IQSEC3: variants seen among roughly 807,000 people sequenced by gnomAD.
IQSEC3 encodes IQ motif and SEC7 domain-containing protein 3.
IQSEC3 carries 50 observed loss-of-function variants against 105.4 expected under a neutral mutation model. That is an observed-to-expected ratio of 0.47 (90% CI 0.38 to 0.60). The LOEUF is 0.60. Among genes scored for constraint, IQSEC3 ranks in the 20% least tolerant of loss-of-function variants. The pLI, the probability that IQSEC3 is intolerant of heterozygous loss-of-function variation, is 0.00. For synonymous variants in IQSEC3, 708 were observed against 746.0 expected (o/e 0.95, Z 0.83); for missense variants, 1,415 against 1,630.0 (o/e 0.87, Z 2.27).
At chr12:112,771 G>A (rs532447545) in intron 2 of IQSEC3, among the ~76,000 whole-genome samples, 8 of 152,220 alleles carry the variant, frequency 5.3e-5, no homozygotes, top group South Asian at 4.1e-4. Context: ...AAAACAAATG[G>A]CAGGTGGTGG....
In IQSEC3 at chr12:165,793, T is replaced by C. The variant is rs552605706; in HGVS notation, c.2874T>C (p.His958=). The C allele has an allele frequency of 1.9e-6, 3 of 1,614,044 alleles. No individual in the cohort carries two copies. Among genetic ancestry groups the C allele is most frequent in the Admixed American group, 3.3e-5 (2 of 60,032 alleles). The part of the protein sequence containing the change: ...LSGSEKKQVL[H]FCALGSDEMQ... ...GCTCCGAGAAGAAGCAGGTGCTGCA[T>C]TTCTGTGCCCTGGGCTCGGACGAGA... The change falls in exon 11 of 14, where the codon CAT becomes CAC. Residue 958 remains histidine (H), a synonymous_variant. Transcript: ENST00000538872.
At chr12:151,413 G>A (rs568478824) in intron 5 of IQSEC3, among the ~76,000 whole-genome samples, 43 of 152,250 alleles carry the variant, frequency 2.8e-4, no homozygotes, top group African/African-American at 1.0e-3. Flanking sequence ...AGTCCCATCT[G>A]TTCTTCCTCT....
At position 125,929 on chromosome 12, in the gene IQSEC3, A is replaced by AGG. The variant is rs201180944; in HGVS notation, c.903+22_903+23dup. On this transcript the variant is annotated intron_variant, in intron 3 of 13. Transcript: ENST00000538872. ...AATAAACAGGTACCCAGGGCCTCCT[A>AGG]GGGGGGCGGGGAGGGTGGTGAAGGG... The AGG allele has an allele frequency of 8.5e-6, 13 of 1,527,986 alleles. No individual in the cohort carries two copies. The highest frequency in any genetic ancestry group is 2.4e-5 in the South Asian group (2 of 83,678). The allele number at this position is 1,527,986 out of a possible 1,614,324, so 94.7% of individuals were successfully genotyped here.
rs758055372 is a variant in IQSEC3 at position 174,897 on chromosome 12, G to T, written c.3413G>T (p.Gly1138Val). The change falls in exon 14 of 14, where the codon GGC becomes GTC. Residue 1138 changes from glycine (G) to valine (V), a missense_variant. Physicochemically the swap from Gly to Val is moderately radical, Grantham distance 109. This residue lies in a region of IQSEC3 where 419 missense variants were observed against 436.2 expected (regional missense o/e 0.96). Transcript: ENST00000538872. The stretch of plus-strand genomic sequence containing the variant: ...GGCTCCACACCCCTGGGCGGTCCCG[G>T]CTCTCCGGTCAAGGTCACCCACCAG... Reference protein sequence around the residue: ...SCGSTPLGGPGSPVKVTHQPP... With the variant: ...SCGSTPLGGPVSPVKVTHQPP... 1.3e-6 allele frequency: 2 copies of T among 1,561,380 alleles called. No individual in the cohort carries two copies. Among genetic ancestry groups the T allele is most frequent in the South Asian group, 2.3e-5 (2 of 85,764 alleles).
chr12:85,630 G>A (rs1400477962), intron 1 of IQSEC3, among the ~76,000 whole-genome samples: 1 of 152,188 alleles, frequency 6.6e-6, no homozygotes, highest in African/African-American at 2.4e-5. Flanking sequence ...GTGGCGGGGT[G>A]AGCATGGCCG....
At chr12:82,965 A>G (rs1437353756) in intron 1 of IQSEC3, among the ~76,000 whole-genome samples, 1 of 152,224 alleles carries the variant, frequency 6.6e-6, no homozygotes, top group Non-Finnish European at 1.5e-5. Flanking sequence ...ACAGCCACAA[A>G]TGCTTGCAGT....
At chr12:122,540 C>G (rs1555082146) in intron 2 of IQSEC3, among the ~76,000 whole-genome samples, 1 of 152,176 alleles carries the variant, frequency 6.6e-6, no homozygotes, top group African/African-American at 2.4e-5. Flanking sequence ...AAGGTGACCC[C>G]AGGAAAGGGC....
At chr12:148,745 C>T (rs1053549447) in intron 5 of IQSEC3, 1 of 152,224 alleles carries the variant, frequency 6.6e-6, no homozygotes, top group African/African-American at 2.4e-5. Context: ...AGGGTTTCTA[C>T]ATTCCGTGGC....
chr12:106,825 A>G (rs1362812625), intron 2 of IQSEC3: 1 of 152,116 alleles, frequency 6.6e-6, no homozygotes, highest in Non-Finnish European at 1.5e-5. Context: ...AAAGTTCTTT[A>G]CCCATTCACT....
At chr12:115,403 G>A (rs1460539651) in intron 2 of IQSEC3, among the ~76,000 whole-genome samples, 2 of 152,182 alleles carry the variant, frequency 1.3e-5, no homozygotes, top group Non-Finnish European at 2.9e-5. Context: ...GAAACACCCA[G>A]GCATGGCCTC....
At chr12:117,602 G>A (rs1555080944) in intron 2 of IQSEC3, among the ~76,000 whole-genome samples, 1 of 152,216 alleles carries the variant, frequency 6.6e-6, no homozygotes, top group African/African-American at 2.4e-5. Flanking sequence ...GGGTATTCTG[G>A]CCTAGGTGAG....
In IQSEC3 at chr12:91,995, T is replaced by C. The variant is rs550575468; in HGVS notation, c.555-7151T>C. On this transcript the variant is annotated intron_variant, in intron 1 of 13. Coordinates refer to ENST00000538872, the MANE Select transcript of IQSEC3 (RefSeq NM_001170738.2). ...CAGTCTCATTCTGAGTGCGGCAAGC[T>C]CCTGCCCAGCCCAGCCTCACAGCAC... 7.2e-5 allele frequency among the ~76,000 whole-genome samples: 11 copies of C among 152,072 alleles called. No individual in the cohort carries two copies. The South Asian group carries it at 2.3e-3, about 32-fold the overall frequency.
chr12:99,345 C>A, intron 2 of IQSEC3, 131 bp downstream of exon 2: 1 of 818,828 alleles, frequency 1.2e-6, no homozygotes, highest in Non-Finnish European at 1.9e-6. Context: ...TTTGCTTTCA[C>A]CTCCTTCCTC....
intron 7 of IQSEC3, 107 bp from the exon 8 acceptor site, chr12:161,818 AC>A (rs1300640243): frequency 1.0e-5 from 12 of 1,159,526 alleles, no homozygotes; most frequent in African/African-American, 1.6e-5. Context: ...AACCAAGGCC[AC>A]CCCCCGGGAG....
chr12:95,548 C>T (rs1864219755), intron 1 of IQSEC3, among the ~76,000 whole-genome samples: 1 of 152,200 alleles, frequency 6.6e-6, no homozygotes, highest in African/African-American at 2.4e-5. Context: ...TTACCCTAAG[C>T]ATTGCTTTTC....
intron 2 of IQSEC3, among the ~76,000 whole-genome samples, chr12:102,592 G>C (rs1262484572): frequency 6.6e-6 from 1 of 152,212 alleles, no homozygotes; most frequent in Non-Finnish European, 1.5e-5. Context: ...GGCCAGAACA[G>C]AGCCTCACCC....
At chr12:128,262 C>A (rs941996482) in intron 3 of IQSEC3, among the ~76,000 whole-genome samples, 5 of 152,168 alleles carry the variant, frequency 3.3e-5, no homozygotes, top group East Asian at 3.9e-4. Flanking sequence ...GTTTGCTTGA[C>A]CCCCTCCTTG....
At chr12:73,520 A>G (rs1384134941) in intron 1 of IQSEC3, among the ~76,000 whole-genome samples, 1 of 152,200 alleles carries the variant, frequency 6.6e-6, no homozygotes, top group Non-Finnish European at 1.5e-5. Context: ...CTAAAAATAC[A>G]AAATTAGCCA....
At position 152,706 on chromosome 12, in the gene IQSEC3, C is replaced by T. The variant is rs1456136535; in HGVS notation, c.2154-4319C>T. Reference sequence around the variant, plus strand: ...TAAGGGACCTCCCTGCCACCCCACACACACACAGGAGTGAAGAGAAGAGAG... The same window carrying T: ...TAAGGGACCTCCCTGCCACCCCACATACACACAGGAGTGAAGAGAAGAGAG... On this transcript the variant is annotated intron_variant, in intron 5 of 13. Transcript: ENST00000538872. This position sits in a 1 kb window ranked among gnomAD's most constrained non-coding sequence, Gnocchi z 4.8. Among the ~76,000 whole-genome samples, 5 of 152,186 alleles carry T rather than the reference C, an allele frequency of 3.3e-5. No homozygotes were observed. The highest frequency in any genetic ancestry group is 3.3e-4 in the Admixed American group (5 of 15,286).
Sources: gnomAD v4.1 joint callset for allele counts (sites outside exome capture counted in the v4.1 genomes callset) on GRCh38, gnomAD v4.1.1 for gene constraint, gnomAD v4.1.1 regional missense constraint, Gnocchi (gnomAD v3.1) non-coding constraint, MANE v1.5 for transcripts, NCBI Gene and HGNC (gene_info 2026-07-23, HGNC 2026-07-21) for gene names.